Variants in BCAP29 observed in about 807,000 individuals in gnomAD.
The protein encoded by BCAP29 is B cell receptor associated protein 29, also known as B-cell receptor-associated protein 29.
A neutral mutation model predicts 31.8 loss-of-function variants in BCAP29; 34 were observed. That is an observed-to-expected ratio of 1.07 (90% CI 0.81 to 1.42). The LOEUF (loss-of-function observed/expected upper bound fraction) is 1.42. BCAP29 is among the 40% of genes most tolerant of loss of function. The pLI, the probability that BCAP29 is intolerant of heterozygous loss-of-function variation, is 0.00. For synonymous variants in BCAP29, 104 were observed against 91.3 expected, an observed-to-expected ratio of 1.14 and a Z score of -0.79; for missense variants, 314 against 269.2, an observed-to-expected ratio of 1.17 and a Z score of -1.16.
chr7:107,617,668 CTT>C (rs1814433603), intron 7 of BCAP29, among the ~76,000 whole-genome samples: 1 of 152,080 alleles, frequency 6.6e-6, no homozygotes, highest in African/African-American at 2.4e-5. Flanking sequence ...CTCCTCTACT[CTT>C]GTCTTTTTAT....
intron 3 of BCAP29, among the ~76,000 whole-genome samples, chr7:107,593,372 A>G (rs1442978824): frequency 6.6e-6 from 1 of 152,244 alleles, no homozygotes; most frequent in East Asian, 1.9e-4. Context: ...AACTGAAAGC[A>G]TCAAAGGAGC....
chr7:107,593,586 A>G (rs930044004), intron 3 of BCAP29, among the ~76,000 whole-genome samples: 1 of 152,222 alleles, frequency 6.6e-6, no homozygotes. Context: ...CTTGGAATTG[A>G]TTGTAATGGG....
chr7:107,590,590 G>A (rs1808535976), intron 3 of BCAP29, among the ~76,000 whole-genome samples: 1 of 152,084 alleles, frequency 6.6e-6, no homozygotes, highest in Admixed American at 6.6e-5. Context: ...GGCTGAGTTG[G>A]GCAGATTGCT....
downstream of BCAP29, chr7:107,621,359 T>C (rs1454066879): frequency 5.7e-6 from 1 of 175,142 alleles, no homozygotes; most frequent in African/African-American, 2.4e-5. Context: ...CTGAACGGCA[T>C]TTTTAAAATT....
downstream of BCAP29, chr7:107,622,988 C>T (rs1353465295): frequency 2.0e-5 from 3 of 152,120 alleles, no homozygotes; most frequent in Non-Finnish European, 2.9e-5. Context: ...CATTTTCCAT[C>T]TCCTTGTATG....
chr7:107,587,153 G>A (rs902602622), intron 3 of BCAP29, among the ~76,000 whole-genome samples: 15 of 152,110 alleles, frequency 9.9e-5, no homozygotes, highest in Non-Finnish European at 2.2e-4. Context: ...AATGGAAGTG[G>A]GAATTTCAAG....
chr7:107,595,782 A>G, intron 4 of BCAP29, 85 bp from the exon 5 acceptor site: 1 of 1,405,186 alleles, frequency 7.1e-7, no homozygotes, highest in Middle Eastern at 1.9e-4. Flanking sequence ...ACCTATATCT[A>G]ATGGGGAGTA....
chr7:107,604,997 T>C (rs1057096401), intron 6 of BCAP29, among the ~76,000 whole-genome samples: 8 of 152,186 alleles, frequency 5.3e-5, no homozygotes, highest in Admixed American at 5.2e-4. Context: ...TCTTCACATA[T>C]TGATGTTATT....
intron 6 of BCAP29, among the ~76,000 whole-genome samples, chr7:107,602,905 T>C (rs10258385): frequency 0.76 from 114,810 of 150,642 alleles, 44,365 homozygotes; most frequent in African/African-American, 0.9. Flanking sequence ...AAGAGATTGA[T>C]TTTAAAGGTC....
chr7:107,583,670 G>A (rs1563124404), intron 2 of BCAP29, among the ~76,000 whole-genome samples: 1 of 151,996 alleles, frequency 6.6e-6, no homozygotes, highest in South Asian at 2.1e-4. Flanking sequence ...CCAGACAGAG[G>A]ATAATCAAAT....
chr7:107,606,358 T>A (rs1373206615), intron 6 of BCAP29, among the ~76,000 whole-genome samples: 1 of 152,244 alleles, frequency 6.6e-6, no homozygotes, highest in African/African-American at 2.4e-5. Context: ...TCAAGAATTA[T>A]TTTCATTGTT....
In BCAP29 at chr7:107,583,228, C is replaced by A. The variant is rs569793752; in HGVS notation, c.93-654C>A. 1.5e-4 allele frequency among the ~76,000 whole-genome samples: 23 copies of A among 152,138 alleles called. No individual in the cohort carries two copies. The South Asian group carries it at 4.8e-3, about 32-fold the overall frequency. ...TACCACTGTCTTTGTTTATACTGTT[C>A]AATCCACCTAGACTATTTCCCCATC... is the stretch of plus-strand genomic sequence containing the variant. On this transcript the variant is annotated intron_variant, in intron 2 of 7. Transcript: ENST00000005259.
chr7:107,616,910 G>C (rs1814265640), intron 7 of BCAP29, among the ~76,000 whole-genome samples: 1 of 151,992 alleles, frequency 6.6e-6, no homozygotes. Context: ...AGCTAAGTTG[G>C]GTATTTTTAG....
At position 107,610,619 on chromosome 7, in the gene BCAP29, C is replaced by T. The variant is rs563535019; in HGVS notation, c.590-2713C>T. 8.7e-4 allele frequency among the ~76,000 whole-genome samples: 133 copies of T among 152,212 alleles called. 1 individual carries two copies. The highest frequency in any genetic ancestry group is 2.9e-3 in the African/African-American group (122 of 41,532). On this transcript the variant is annotated intron_variant, in intron 6 of 7. Transcript: ENST00000005259. ...TAGTATTCATTAGATTTATTAATAT[C>T]CACTGAAATACAAAATGAAATAAGA... is the stretch of plus-strand genomic sequence containing the variant.
chr7:107,584,265 G>A (rs562912229), intron 3 of BCAP29, among the ~76,000 whole-genome samples: 1 of 152,250 alleles, frequency 6.6e-6, no homozygotes, highest in East Asian at 1.9e-4. Context: ...AGAGTTACCA[G>A]ACTTTATTTT....
At chr7:107,603,103 G>C (rs928319684) in intron 6 of BCAP29, among the ~76,000 whole-genome samples, 3 of 151,232 alleles carry the variant, frequency 2.0e-5, no homozygotes, top group African/African-American at 4.9e-5. Context: ...CCAAGTAGCT[G>C]GGACTACAGG....
chr7:107,594,736 T>C (rs1379346626), intron 4 of BCAP29, among the ~76,000 whole-genome samples: 1 of 152,076 alleles, frequency 6.6e-6, no homozygotes, highest in African/African-American at 2.4e-5. Flanking sequence ...TCTCCTGACC[T>C]CATGATCCTC....
In BCAP29 at chr7:107,613,448, AC is replaced by A; in HGVS notation, c.690+17del. On this transcript the variant is annotated intron_variant, in intron 7 of 7. Transcript: ENST00000005259. The stretch of plus-strand genomic sequence containing the variant: ...TGAACTTCAGGTGGGTGTGACATGC[AC>A]TTTATGCACCTAAATGTTTTGAAAT... 2.6e-6 allele frequency: 4 copies of A among 1,545,262 alleles called. No individual in the cohort carries two copies. Among genetic ancestry groups the A allele is most frequent in the Non-Finnish European group, 2.7e-6 (3 of 1,121,262 alleles).
chr7:107,617,373 C>T (rs1814375264), intron 7 of BCAP29, among the ~76,000 whole-genome samples: 1 of 151,968 alleles, frequency 6.6e-6, no homozygotes, highest in Non-Finnish European at 1.5e-5. Context: ...TTTGGATTTC[C>T]CCATCTGGTC....
Sources: allele counts gnomAD v4.1 joint callset (sites outside exome capture counted in the v4.1 genomes callset), GRCh38; gene constraint gnomAD v4.1.1; transcripts MANE v1.5; gene names NCBI Gene and HGNC (gene_info 2026-07-23, HGNC 2026-07-21).